Variants in SSB observed in about 807,000 individuals in gnomAD.
The protein encoded by SSB is lupus La protein.
SSB carries 17 observed loss-of-function variants against 52.9 expected under a neutral mutation model. The ratio of observed to expected loss-of-function variants is 0.32; its 90% CI spans 0.22 to 0.48. The LOEUF (loss-of-function observed/expected upper bound fraction) is 0.48, where lower values mean the gene tolerates loss of function less well. SSB is among the 20% of genes least tolerant of loss of function. The pLI, the probability that SSB is intolerant of heterozygous loss-of-function variation, is 0.99. For missense variants in SSB, 314 were observed against 463.6 expected (o/e 0.68, Z 2.96); for synonymous variants, 111 against 152.1 (o/e 0.73, Z 1.99).
intron 7 of SSB, 82 bp from the exon 8 acceptor site, chr2:169,808,778 A>T: frequency 8.2e-7 from 1 of 1,222,996 alleles, no homozygotes; most frequent in Non-Finnish European, 1.2e-6. Flanking sequence ...AAGTTTAGTG[A>T]TCATGATTGG....
rs1689920839 is a variant in SSB, at chr2:169,810,278, T to C, written c.670-5T>C. 1.3e-6 allele frequency: 2 copies of C among 1,595,984 alleles called. No homozygotes were observed. The highest frequency in any genetic ancestry group is 2.7e-5 in the African/African-American group (2 of 73,900). On this transcript the variant is annotated splice_region_variant and splice_polypyrimidine_tract_variant and intron_variant, in intron 8 of 11. Coordinates refer to ENST00000260956, the MANE Select transcript of SSB (RefSeq NM_003142.5). ...ACTTTTTGATCACTTTGTATATTTTTATAGAAATCTCTAGAAGAAAAGATT... is the reference window on the plus strand; with the variant it reads ...ACTTTTTGATCACTTTGTATATTTTCATAGAAATCTCTAGAAGAAAAGATT...
rs772239015 is a variant in SSB, at chr2:169,808,907, G to GTA, written c.669+11_669+12dup. 6.3e-7 allele frequency: 1 copy of GTA among 1,598,514 alleles called. No individual in the cohort carries two copies. Among genetic ancestry groups the GTA allele is most frequent in the Admixed American group, 1.7e-5 (1 of 59,988 alleles). On this transcript the variant is annotated splice_donor_region_variant and intron_variant, in intron 8 of 11. Coordinates refer to ENST00000260956, the MANE Select transcript of SSB (RefSeq NM_003142.5). ...TTAGAAGAAGATGCTGAAATGGTAA[G>GTA]TATATATTACTGCTATCTAGTACAT...
chr2:169,807,902 A>G (rs1017579360), intron 6 of SSB, among the ~76,000 whole-genome samples: 1 of 152,024 alleles, frequency 6.6e-6, no homozygotes, highest in East Asian at 1.9e-4. Context: ...AAGACTGTGC[A>G]TTAGTCTTCT....
At position 169,812,034 on chromosome 2, in the gene SSB, T is replaced by A; in HGVS notation, c.*278T>A. 1.4e-6 allele frequency: 1 copy of A among 715,222 alleles called. No homozygotes were observed. The highest frequency in any genetic ancestry group is 2.3e-6 in the Non-Finnish European group (1 of 437,140). 44.3% of individuals were successfully genotyped at this position (715,222 alleles called of 1,614,324 possible). On this transcript the variant is annotated 3_prime_UTR_variant, in exon 12 of 12. Coordinates refer to ENST00000260956, the MANE Select transcript of SSB (RefSeq NM_003142.5). ...GAATGTATTAGTACAAACTAACTAA[T>A]AAAATATATACTATATGAAAAGAGC...
chr2:169,799,300 T>TTA (rs1553481906), intron 1 of SSB: 2 of 140,288 alleles, frequency 1.4e-5, no homozygotes, highest in African/African-American at 2.7e-5. Context: ...TTTTTTTTTT[T>TTA]ACCTCCACCG....
intron 6 of SSB, 49 bp from the exon 7 acceptor site, chr2:169,808,433 T>G (rs975259068): frequency 6.9e-7 from 1 of 1,456,240 alleles, no homozygotes; most frequent in African/African-American, 1.4e-5. Context: ...TAATCTGCAG[T>G]CTTAACTTTG....
At chr2:169,803,729 A>G (rs1334637396) in intron 2 of SSB, among the ~76,000 whole-genome samples, 2 of 151,834 alleles carry the variant, frequency 1.3e-5, no homozygotes, top group Non-Finnish European at 2.9e-5. Flanking sequence ...GATCCCTGAA[A>G]AATAGTGTCT....
chr2:169,806,155 G>A (rs574721399), intron 4 of SSB: 5 of 318,002 alleles, frequency 1.6e-5, no homozygotes, highest in East Asian at 1.8e-4. Flanking sequence ...TTGTAGAGAC[G>A]GGTCTTCCTG....
intron 6 of SSB, among the ~76,000 whole-genome samples, chr2:169,807,504 G>A (rs1372091184): frequency 6.6e-6 from 1 of 152,076 alleles, no homozygotes; most frequent in Non-Finnish European, 1.5e-5. Context: ...GGCCAGGCTG[G>A]TCTTGAACTC....
intron 2 of SSB, among the ~76,000 whole-genome samples, chr2:169,801,516 T>TG (rs1412157073): frequency 2.1e-5 from 3 of 140,444 alleles, no homozygotes; most frequent in African/African-American, 8.0e-5. Context: ...ATAGTTTTTT[T>TG]TTTTTTTTTT....
At chr2:169,808,692 A>G (rs1222044939) in intron 7 of SSB, 139 bp downstream of exon 7, 5 of 1,009,394 alleles carry the variant, frequency 5.0e-6, no homozygotes, top group East Asian at 2.5e-5. Flanking sequence ...TGCCTTGACA[A>G]TCTCAGGGCC....
chr2:169,805,342 A>G (rs1266569100), intron 2 of SSB, 132 bp from the exon 3 acceptor site: 2 of 622,266 alleles, frequency 3.2e-6, no homozygotes, highest in African/African-American at 1.9e-5. Context: ...ACATTATTGT[A>G]TATTTGGGGA....
chr2:169,811,699 CAAA>C lies in SSB; in HGVS notation c.1171_1173del (p.Lys391del), dbSNP rs780271770. On this transcript the variant is annotated inframe_deletion, in exon 12 of 12. Coordinates refer to ENST00000260956, the MANE Select transcript of SSB (RefSeq NM_003142.5). ...TGAAAAGAGCAAGAGAAGAAACAGA[CAAA>C]GAAGAACCTGCATCCAAACAACAGA... 98 of 1,612,940 alleles carry C rather than the reference CAAA, an allele frequency of 6.1e-5. No homozygotes were observed. Among genetic ancestry groups the C allele is most frequent in the Non-Finnish European group, 7.6e-5 (90 of 1,179,526 alleles).
chr2:169,805,761 CAGA>C lies in SSB; in HGVS notation c.270_272del (p.Arg91del), dbSNP rs771175168. 6.2e-7 allele frequency: 1 copy of C among 1,613,900 alleles called. No homozygotes were observed. Among genetic ancestry groups the C allele is most frequent in the African/African-American group, 1.3e-5 (1 of 74,904 alleles). On this transcript the variant is annotated inframe_deletion, in exon 4 of 12. Transcript: ENST00000260956. The stretch of plus-strand genomic sequence containing the variant: ...AAATCAGTGAAGATAAAACTAAAAT[CAGA>C]AGGTCTCCAAGCAAACCCCTACCTG...
At chr2:169,801,088 A>G in intron 2 of SSB, 62 bp downstream of exon 2, 9 of 1,365,528 alleles carry the variant, frequency 6.6e-6, no homozygotes, top group South Asian at 4.0e-5. Flanking sequence ...CAGAAAGAAC[A>G]TTTAATTCTA....
At position 169,811,148 on chromosome 2, in the gene SSB, A is replaced by G. The variant is rs768203757; in HGVS notation, c.998-35A>G. On this transcript the variant is annotated intron_variant, in intron 10 of 11. Transcript: ENST00000260956. ...AAACATTGACAAGAGACTTAAAAAA[A>G]GTTCTTTACAGAGTGCTCAATTGTG... 23 of 1,593,958 alleles carry G rather than the reference A, an allele frequency of 1.4e-5. No individual in the cohort carries two copies. In the South Asian group the frequency reaches 2.0e-4, roughly 14 times the overall value.
In SSB at chr2:169,801,020, A is replaced by G; in HGVS notation, c.60A>G (p.Gln20=). 4 of 1,599,826 alleles carry G rather than the reference A, an allele frequency of 2.5e-6. No individual in the cohort carries two copies. The highest frequency in any genetic ancestry group is 2.3e-5 in the South Asian group (2 of 88,312). Residue 20 remains glutamine (Q), a synonymous_variant, in exon 2 of 12, where the codon CAA becomes CAG. Coordinates refer to ENST00000260956, the MANE Select transcript of SSB (RefSeq NM_003142.5). ...CCCTGGAGGCCAAAATCTGTCATCAAATTGAGGTATGATTCCTGTGCTATA... is the reference window on the plus strand; with the variant it reads ...CCCTGGAGGCCAAAATCTGTCATCAGATTGAGGTATGATTCCTGTGCTATA... ...MAALEAKICH[Q]IEYYFGDFNL... is the part of the protein sequence containing the mutation.
rs1558971269 is a variant in SSB at position 169,806,819 on chromosome 2, T to G, written c.380T>G (p.Ile127Arg). ...GFPTDATLDD[I>R]KEWLEDKGQV... ...CCAACTGATGCAACTCTTGATGACA[T>G]AAAAGAATGGTTAGAAGATAAAGGT... Residue 127 changes from isoleucine (I) to arginine (R), a missense_variant, in exon 5 of 12, where the codon ATA becomes AGA. Physicochemically the swap from Ile to Arg is moderately conservative, Grantham distance 97. Transcript: ENST00000260956. The G allele has an allele frequency of 6.2e-7, 1 of 1,613,112 alleles. No homozygotes were observed.
intron 8 of SSB, 77 bp from the exon 9 acceptor site, chr2:169,810,206 C>T (rs1689918618): frequency 8.7e-7 from 1 of 1,155,896 alleles, no homozygotes; most frequent in Non-Finnish European, 1.2e-6. Context: ...TCTTGTATAG[C>T]TATAAGGTGG....
Sources: gnomAD v4.1 joint callset for allele counts (sites outside exome capture counted in the v4.1 genomes callset) on GRCh38, gnomAD v4.1.1 for gene constraint, MANE v1.5 for transcripts, NCBI Gene and HGNC (gene_info 2026-07-23, HGNC 2026-07-21) for gene names.